SENP7: variants seen among roughly 807,000 people sequenced by gnomAD.
The protein encoded by SENP7 is SUMO specific peptidase 7.
In SENP7, 64 loss-of-function variants were observed where a neutral mutation model predicts 141.2. The observed-to-expected ratio is 0.45, with a 90% CI of 0.37 to 0.56. SENP7 has a LOEUF of 0.56. Ranked by LOEUF, SENP7 falls within the 20% of genes least tolerant of loss-of-function variation. SENP7 has a pLI of 0.00. For synonymous variants in SENP7, 382 were observed against 426.4 expected (o/e 0.90, Z 1.28); for missense variants, 1,025 against 1,212.2 (o/e 0.85, Z 2.29).
chr3:101,379,625 T>G (rs2060438063), intron 6 of SENP7, among the ~76,000 whole-genome samples: 1 of 152,078 alleles, frequency 6.6e-6, no homozygotes, highest in Admixed American at 6.5e-5. Flanking sequence ...AAAATCACAA[T>G]GAGATTCCAC....
rs2060195594 is a variant in SENP7 at position 101,372,046 on chromosome 3, T to C, written c.758A>G (p.Asp253Gly). The C allele has an allele frequency of 3.8e-6, 6 of 1,564,218 alleles. No homozygotes were observed. The African/African-American group carries it at 6.7e-5, about 18-fold the overall frequency. ...ATCAGATATTAAAAGAGAAATGCCA[T>C]CATCCTTTCTTCGTTTTTCTTTATT... The part of the protein sequence containing the change: ...AHNKEKRRKD[D>G]GISLLISDTQ... Residue 253 changes from aspartate to glycine, a missense_variant, in exon 7 of 24, where the codon GAT becomes GGT. Asp to Gly is a moderately conservative substitution (Grantham distance 94, BLOSUM62 -1). Around this residue, in one of 4 missense-constraint regions of SENP7, gnomAD observed 496 missense variants for 503.5 expected, o/e 0.99. Transcript: ENST00000394095.
chr3:101,466,107 A>C (rs1188090648), intron 3 of SENP7, among the ~76,000 whole-genome samples: 1 of 152,162 alleles, frequency 6.6e-6, no homozygotes, highest in Non-Finnish European at 1.5e-5. Flanking sequence ...ACTTTAAAAA[A>C]TGAAGAAAGC....
intron 4 of SENP7, among the ~76,000 whole-genome samples, chr3:101,455,881 T>C (rs1328946221): frequency 6.6e-6 from 1 of 152,160 alleles, no homozygotes; most frequent in Non-Finnish European, 1.5e-5. Context: ...CCATTTCACC[T>C]ACCTTTTAGA....
At chr3:101,361,065 T>G (rs2059884389) in intron 11 of SENP7, among the ~76,000 whole-genome samples, 1 of 151,864 alleles carries the variant, frequency 6.6e-6, no homozygotes, top group South Asian at 2.1e-4. Flanking sequence ...ATTAGCCAGG[T>G]GTGGTGCCAC....
At chr3:101,453,093 C>G (rs983018686) in intron 4 of SENP7, among the ~76,000 whole-genome samples, 13 of 152,164 alleles carry the variant, frequency 8.5e-5, no homozygotes, top group African/African-American at 2.9e-4. Context: ...GACATTTATG[C>G]AGCCAAAAGA....
chr3:101,388,303 T>A (rs2060716841), intron 6 of SENP7, among the ~76,000 whole-genome samples: 1 of 151,732 alleles, frequency 6.6e-6, no homozygotes, highest in Admixed American at 6.6e-5. Flanking sequence ...TTGCTTGGAG[T>A]CTCCATCTCA....
intron 4 of SENP7, among the ~76,000 whole-genome samples, chr3:101,455,751 G>C: frequency 6.6e-6 from 1 of 152,174 alleles, no homozygotes; most frequent in Admixed American, 6.5e-5. Context: ...CTGTTGTTTT[G>C]AACCAAGTCA....
In SENP7 at chr3:101,446,698, A is replaced by T. The variant is rs193056242; in HGVS notation, c.284+12257T>A. On this transcript the variant is annotated intron_variant, in intron 4 of 23. Transcript: ENST00000394095. ...GGTCTGAAGAAATTAAAAGAAAAAAATTTTTTTTACTTCCTGAAACAAATG... is the reference window on the plus strand; with the variant it reads ...GGTCTGAAGAAATTAAAAGAAAAAATTTTTTTTTACTTCCTGAAACAAATG... 8.7e-3 allele frequency among the ~76,000 whole-genome samples: 1,327 copies of T among 152,236 alleles called. 19 individuals carry two copies. The highest frequency in any genetic ancestry group is 0.029 in the African/African-American group (1,212 of 41,548).
chr3:101,412,821 A>G (rs1205916263), intron 5 of SENP7, among the ~76,000 whole-genome samples: 2 of 152,174 alleles, frequency 1.3e-5, no homozygotes, highest in African/African-American at 4.8e-5. Context: ...TATGAACCAT[A>G]CATGGAGATA....
Position 101,372,077 on chromosome 3 carries a change from C to A in SENP7, c.727G>T (p.Ala243Ser). Residue 243 changes from alanine (A) to serine (S), a missense_variant, in exon 7 of 24, where the codon GCG (alanine) becomes TCG (serine). Around this residue, in one of 4 missense-constraint regions of SENP7, gnomAD observed 496 missense variants for 503.5 expected, o/e 0.99. Transcript: ENST00000394095. ...TVDDNSAKQT[A>S]HNKEKRRKDD... ...TTTCTTCGTTTTTCTTTATTGTGCG[C>A]AGTCTGCTTTGCAGAATTGTCATCT... The A allele has an allele frequency of 1.3e-6, 2 of 1,569,706 alleles. No individual in the cohort carries two copies. Among genetic ancestry groups the A allele is most frequent in the South Asian group, 1.2e-5 (1 of 83,590 alleles).
intron 5 of SENP7, among the ~76,000 whole-genome samples, chr3:101,417,226 GCA>G (rs2061649266): frequency 6.6e-6 from 1 of 151,846 alleles, no homozygotes; most frequent in African/African-American, 2.4e-5. Context: ...AAATATTAAT[GCA>G]CATATATACA....
At chr3:101,497,585 C>G (rs1009862907) in intron 2 of SENP7, among the ~76,000 whole-genome samples, 28 of 151,584 alleles carry the variant, frequency 1.8e-4, no homozygotes, top group African/African-American at 6.8e-4. Context: ...GGCTGGAATA[C>G]TTTGACCAAC....
At chr3:101,498,797 G>A (rs2065257955) in intron 2 of SENP7, among the ~76,000 whole-genome samples, 1 of 152,186 alleles carries the variant, frequency 6.6e-6, no homozygotes, top group Non-Finnish European at 1.5e-5. Flanking sequence ...ATCAGCAGTG[G>A]CATTAGATTC....
At chr3:101,504,459 C>CAA (rs869193349) in intron 1 of SENP7, among the ~76,000 whole-genome samples, 3 of 121,800 alleles carry the variant, frequency 2.5e-5, no homozygotes, top group African/African-American at 3.0e-5. Context: ...AATTCCATCT[C>CAA]AAAAAAAAAA....
chr3:101,495,634 CA>C (rs1427515111), intron 2 of SENP7, among the ~76,000 whole-genome samples: 3 of 152,172 alleles, frequency 2.0e-5, no homozygotes, highest in Non-Finnish European at 4.4e-5. Flanking sequence ...TTATCTTCAG[CA>C]AACTAATGCA....
At chr3:101,326,935 A>G (rs1324671485) in intron 23 of SENP7, among the ~76,000 whole-genome samples, 2 of 151,750 alleles carry the variant, frequency 1.3e-5, no homozygotes, top group African/African-American at 4.8e-5. Context: ...CACTAATCCT[A>G]TCTTCTACTG....
At chr3:101,483,857 A>C (rs1310494237) in intron 3 of SENP7, among the ~76,000 whole-genome samples, 5 of 152,092 alleles carry the variant, frequency 3.3e-5, no homozygotes, top group Non-Finnish European at 7.3e-5. Flanking sequence ...CCTCACCTCT[A>C]CTAAAAATAC....
intron 12 of SENP7, among the ~76,000 whole-genome samples, chr3:101,349,206 G>A (rs954302862): frequency 2.0e-5 from 3 of 152,034 alleles, no homozygotes; most frequent in Admixed American, 1.3e-4. Context: ...TCTTCATACT[G>A]TAACTCTTCC....
At chr3:101,492,781 T>C (rs1165485573) in intron 3 of SENP7, among the ~76,000 whole-genome samples, 15 of 152,122 alleles carry the variant, frequency 9.9e-5, no homozygotes, top group Non-Finnish European at 2.2e-4. Flanking sequence ...GAAGACTTCT[T>C]AAGGCCAGAA....
Sources: allele counts gnomAD v4.1 joint callset (sites outside exome capture counted in the v4.1 genomes callset), GRCh38; gene constraint gnomAD v4.1.1; regional missense constraint gnomAD v4.1.1; transcripts MANE v1.5; gene names NCBI Gene and HGNC (gene_info 2026-07-23, HGNC 2026-07-21).